MUC17: variants seen among roughly 807,000 people sequenced by gnomAD.
The protein encoded by MUC17 is mucin 17, cell surface associated.
In MUC17, 190 loss-of-function variants were observed where a neutral mutation model predicts 170.3. The observed-to-expected ratio is 1.12, with a 90% CI of 0.99 to 1.26. The LOEUF (loss-of-function observed/expected upper bound fraction) is 1.26, where lower values mean the gene tolerates loss of function less well. MUC17 is among the 50% of genes most tolerant of loss of function. MUC17 has a pLI of 0.00. For missense variants in MUC17, 6,415 were observed against 5,530.0 expected (o/e 1.16, Z -5.08); for synonymous variants, 2,325 against 2,002.5 (o/e 1.16, Z -4.30).
Position 101,037,000 on chromosome 7 carries a change from C to T in MUC17, c.5584C>T (p.Pro1862Ser). Reference sequence around the variant, plus strand: ...AGGTACCAGCATAGCAACCTCAACGCCTAGTGAAGGAAGCACTGCATTAAC... The same window carrying T: ...AGGTACCAGCATAGCAACCTCAACGTCTAGTGAAGGAAGCACTGCATTAAC... ...AEGTSIATST[P>S]SEGSTALTSI... is the part of the protein sequence containing the mutation. Residue 1862 changes from proline (P) to serine (S), a missense_variant, in exon 3 of 13, where the codon CCT (proline) becomes TCT (serine). Transcript: ENST00000306151. 6.3e-7 allele frequency: 1 copy of T among 1,584,102 alleles called. No individual in the cohort carries two copies. The highest frequency in any genetic ancestry group is 8.5e-7 in the Non-Finnish European group (1 of 1,179,074).
chr7:101,032,180 C>T lies in MUC17; in HGVS notation c.764C>T (p.Ser255Leu), dbSNP rs773490232. ...GTGACCATTTCTGCTCAAGCCAGTT[C>T]ATCTCCTACAACTGCTGAAGGTCCC... The part of the protein sequence containing the change: ...TPVTISAQAS[S>L]SPTTAEGPSL... The change falls in exon 3 of 13, where the codon TCA becomes TTA. Residue 255 changes from serine (S) to leucine (L), a missense_variant. Coordinates refer to ENST00000306151, the MANE Select transcript of MUC17 (RefSeq NM_001040105.2). The T allele has an allele frequency of 1.9e-6, 3 of 1,614,086 alleles. No homozygotes were observed. Among genetic ancestry groups the T allele is most frequent in the African/African-American group, 2.7e-5 (2 of 74,936 alleles).
chr7:101,039,188 C>T lies in MUC17; in HGVS notation c.7772C>T (p.Ala2591Val). ...ACCAAGCCGTTGGCCAGTTCTGAGG[C>T]TAGCACTCTTTCAACAACTCCTGTT... Reference protein sequence around the residue: ...VSTKPLASSEASTLSTTPVDT... With the variant: ...VSTKPLASSEVSTLSTTPVDT... Residue 2591 changes from alanine to valine, a missense_variant, in exon 3 of 13, where the codon GCT becomes GTT. By Grantham distance (64) the Ala-to-Val change is moderately conservative (BLOSUM62 0). Transcript: ENST00000306151. 6.2e-7 allele frequency: 1 copy of T among 1,613,720 alleles called. No individual in the cohort carries two copies. The highest frequency in any genetic ancestry group is 8.5e-7 in the Non-Finnish European group (1 of 1,179,772).
In MUC17 at chr7:101,033,505, A is replaced by T; in HGVS notation, c.2089A>T (p.Thr697Ser). The T allele has an allele frequency of 6.2e-7, 1 of 1,614,108 alleles. No individual in the cohort carries two copies. ...TCCATTAACAAGTATGCCTGTCAAC[A>T]CCACACTGGTGGCCAGTTCTGAGGC... ...STPLTSMPVN[T>S]TLVASSEAST... Residue 697 changes from threonine (T) to serine (S), a missense_variant, in exon 3 of 13, where the codon ACC (threonine) becomes TCC (serine). Transcript: ENST00000306151.
At position 101,040,293 on chromosome 7, in the gene MUC17, C is replaced by T; in HGVS notation, c.8877C>T (p.Val2959=). Residue 2959 remains valine, a synonymous_variant, in exon 3 of 13, where the codon GTC becomes GTT. Coordinates refer to ENST00000306151, the MANE Select transcript of MUC17 (RefSeq NM_001040105.2). ...CTCCTGTTGACACCAGGACACCTGT[C>T]ACCACTTCTGCTGAAGCTAGTTCTT... ...STTPVDTRTP[V]TTSAEASSSP... 1 of 1,607,380 alleles carries T rather than the reference C, an allele frequency of 6.2e-7. No individual in the cohort carries two copies. Among genetic ancestry groups the T allele is most frequent in the Non-Finnish European group, 8.5e-7 (1 of 1,177,498 alleles).
chr7:101,028,409 C>T (rs1447842187), intron 1 of MUC17, among the ~76,000 whole-genome samples: 1 of 151,670 alleles, frequency 6.6e-6, no homozygotes, highest in African/African-American at 2.4e-5. Context: ...TTACGTCTTT[C>T]AGTGTGGATA....
Position 101,032,926 on chromosome 7 carries a change from T to C in MUC17, c.1510T>C (p.Ser504Pro). 6.2e-7 allele frequency: 1 copy of C among 1,613,888 alleles called. No individual in the cohort carries two copies. Among genetic ancestry groups the C allele is most frequent in the Non-Finnish European group, 8.5e-7 (1 of 1,180,010 alleles). The change falls in exon 3 of 13, where the codon TCA becomes CCA. Residue 504 changes from serine to proline, a missense_variant. Physicochemically the swap from Ser to Pro is moderately conservative, Grantham distance 74. Transcript: ENST00000306151. Reference protein sequence around the residue: ...PTAEVNSMPTSTPSEGSTPLT... With the variant: ...PTAEVNSMPTPTPSEGSTPLT... ...TGCTGAAGTTAACAGCATGCCAACC[T>C]CAACTCCTAGTGAAGGAAGCACTCC...
chr7:101,057,141 G>C (rs1795059686), intron 12 of MUC17, among the ~76,000 whole-genome samples: 1 of 152,136 alleles, frequency 6.6e-6, no homozygotes, highest in African/African-American at 2.4e-5. Flanking sequence ...TTATATCATA[G>C]ATAATGCTAT....
Position 101,030,973 on chromosome 7 carries a change from G to C in MUC17, c.83-147G>C, listed in dbSNP as rs535493106. On this transcript the variant is annotated intron_variant, in intron 1 of 12. Transcript: ENST00000306151. ...CTTCTTGCTTTACTTTCTGGGGCAG[G>C]GTCCTGATGGCTGATTTCTAACTAA... is the stretch of plus-strand genomic sequence containing the variant. 284 of 941,234 alleles carry C rather than the reference G, an allele frequency of 3.0e-4. 7 individuals carry two copies. In the South Asian group the frequency reaches 6.8e-3, roughly 23 times the overall value. 58.3% of individuals were successfully genotyped at this position (941,234 alleles called of 1,614,324 possible).
At chr7:101,049,224 C>T in intron 5 of MUC17, 100 bp from the exon 6 acceptor site, 2 of 1,542,296 alleles carry the variant, frequency 1.3e-6, no homozygotes, top group South Asian at 2.2e-5. Context: ...TGCTATGATG[C>T]TGCGGGACAG....
intron 6 of MUC17, among the ~76,000 whole-genome samples, chr7:101,050,277 A>G (rs1036169452): frequency 6.6e-6 from 1 of 152,152 alleles, no homozygotes; most frequent in African/African-American, 2.4e-5. Context: ...GAGAACTCCT[A>G]TAGCAGGGGG....
chr7:101,022,264 T>G (rs1327765834), intron 1 of MUC17, among the ~76,000 whole-genome samples: 1 of 151,568 alleles, frequency 6.6e-6, no homozygotes, highest in Non-Finnish European at 1.5e-5. Context: ...CCTCCCAGGT[T>G]CAAGCAATTC....
rs1584870596 is a variant in MUC17 at position 101,041,435 on chromosome 7, C to A, written c.10019C>A (p.Thr3340Asn). The change falls in exon 3 of 13, where the codon ACT becomes AAT. Residue 3340 changes from threonine to asparagine, a missense_variant. Coordinates refer to ENST00000306151, the MANE Select transcript of MUC17 (RefSeq NM_001040105.2). ...ACCTCAACTTATAGTGAAGGAAGCACTCCACTAACAAATATGTCTTTCAGC... is the reference window on the plus strand; with the variant it reads ...ACCTCAACTTATAGTGAAGGAAGCAATCCACTAACAAATATGTCTTTCAGC... ...MPTSTYSEGS[T>N]PLTNMSFSTT... 6.2e-7 allele frequency: 1 copy of A among 1,614,194 alleles called. No homozygotes were observed. The highest frequency in any genetic ancestry group is 2.2e-5 in the East Asian group (1 of 44,872).
chr7:101,035,650 G>A lies in MUC17; in HGVS notation c.4234G>A (p.Glu1412Lys). Residue 1412 changes from glutamate (E) to lysine (K), a missense_variant, in exon 3 of 13, where the codon GAG (glutamate) becomes AAG (lysine). Coordinates refer to ENST00000306151, the MANE Select transcript of MUC17 (RefSeq NM_001040105.2). ...CAGCACCACGCCGGTAGTCAGTTCTGAGGCTAGCACCCTTTCAGCAACTCC... is the reference window on the plus strand; with the variant it reads ...CAGCACCACGCCGGTAGTCAGTTCTAAGGCTAGCACCCTTTCAGCAACTCC... ...PVSTTPVVSS[E>K]ASTLSATPVD... 1.9e-6 allele frequency: 3 copies of A among 1,611,220 alleles called. No individual in the cohort carries two copies. Among genetic ancestry groups the A allele is most frequent in the Non-Finnish European group, 1.7e-6 (2 of 1,178,320 alleles).
intron 1 of MUC17, among the ~76,000 whole-genome samples, chr7:101,026,112 G>C (rs184424714): frequency 7.9e-5 from 12 of 152,256 alleles, no homozygotes; most frequent in African/African-American, 2.9e-4. Context: ...ACTCACCCCT[G>C]CAAAGCTTTT....
At chr7:101,057,965 T>C in intron 12 of MUC17, 38 bp from the exon 13 acceptor site, 4 of 1,603,680 alleles carry the variant, frequency 2.5e-6, no homozygotes, top group Non-Finnish European at 3.4e-6. Context: ...AAATTCCTCA[T>C]GGGCTGAGCC....
chr7:101,020,782 A>G (rs1370225814), intron 1 of MUC17, among the ~76,000 whole-genome samples: 1 of 152,154 alleles, frequency 6.6e-6, no homozygotes, highest in East Asian at 1.9e-4. Context: ...CTCCTGCCTC[A>G]GTCTCCCCAA....
chr7:101,056,563 T>A (rs1191826518), intron 12 of MUC17, among the ~76,000 whole-genome samples: 2 of 152,244 alleles, frequency 1.3e-5, no homozygotes, highest in Admixed American at 1.3e-4. Context: ...TTTTAACTTG[T>A]AAACACACAT....
chr7:101,034,287 T>G lies in MUC17; in HGVS notation c.2871T>G (p.Thr957=). 1.9e-6 allele frequency: 3 copies of G among 1,609,162 alleles called. No homozygotes were observed. The South Asian group carries it at 3.3e-5, about 18-fold the overall frequency. Residue 957 remains threonine, a synonymous_variant, in exon 3 of 13, where the codon ACT becomes ACG. Transcript: ENST00000306151. The part of the protein sequence containing the change: ...TPVDTSTPVT[T]STEATSSPTT... ...TTGACACCAGCACACCTGTGACCAC[T>G]TCTACTGAAGCCACTTCATCTCCTA...
chr7:101,022,163 A>AT (rs1247384498), intron 1 of MUC17, among the ~76,000 whole-genome samples: 5,686 of 112,980 alleles, frequency 0.05, 240 homozygotes, highest in Non-Finnish European at 0.07. Context: ...CTCCCGAGAG[A>AT]TTTTTTTTTT....
Sources: allele counts gnomAD v4.1 joint callset (sites outside exome capture counted in the v4.1 genomes callset), GRCh38; gene constraint gnomAD v4.1.1; transcripts MANE v1.5; gene names NCBI Gene and HGNC (gene_info 2026-07-23, HGNC 2026-07-21).